The following ITGAD variants were observed in gnomAD, a reference collection of about 807,000 sequenced individuals.
The protein encoded by ITGAD is integrin subunit alpha D, also known as integrin alpha-D.
ITGAD carries 105 observed loss-of-function variants against 139.0 expected under a neutral mutation model. That is an observed-to-expected ratio of 0.76 (90% CI 0.65 to 0.89). The LOEUF (loss-of-function observed/expected upper bound fraction) is 0.89. Among genes scored for constraint, ITGAD ranks in the 40% least tolerant of loss-of-function variants. ITGAD has a pLI of 0.00. For synonymous variants in ITGAD, 569 were observed against 598.3 expected, an observed-to-expected ratio of 0.95 and a Z score of 0.71; for missense variants, 1,384 against 1,487.3, an observed-to-expected ratio of 0.93 and a Z score of 1.14.
At chr16:31,422,268 A>G (rs910298710) in intron 23 of ITGAD, among the ~76,000 whole-genome samples, 1 of 152,028 alleles carries the variant, frequency 6.6e-6, no homozygotes, top group African/African-American at 2.4e-5. Context: ...AAAACTTTAG[A>G]TGTTAAGTGG....
Position 31,411,218 on chromosome 16 carries a change from T to C in ITGAD, c.1497+2T>C. 6.2e-6 allele frequency: 10 copies of C among 1,611,642 alleles called. No individual in the cohort carries two copies. The highest frequency in any genetic ancestry group is 7.6e-6 in the Non-Finnish European group (9 of 1,179,034). On this transcript the variant is annotated splice_donor_variant, in intron 13 of 29. Coordinates refer to ENST00000389202, the MANE Select transcript of ITGAD (RefSeq NM_005353.3). LOFTEE classifies it high-confidence loss of function. Reference sequence around the variant, plus strand: ...TCCGTGTGTCCCTTGCCTAGGGGGGTGAGTGGCTGATGGGACCTAGGCTGG... The same window carrying C: ...TCCGTGTGTCCCTTGCCTAGGGGGGCGAGTGGCTGATGGGACCTAGGCTGG...
At chr16:31,413,385 C>T (rs554723548) in intron 16 of ITGAD, 139 bp downstream of exon 16, 1 of 896,214 alleles carries the variant, frequency 1.1e-6, no homozygotes, top group African/African-American at 1.7e-5. Context: ...CTGGCTCATT[C>T]TCTCCCCTCT....
rs1246303593 is a variant in ITGAD, at chr16:31,410,768, G to T, written c.1246G>T (p.Val416Leu). The T allele has an allele frequency of 6.2e-7, 1 of 1,613,270 alleles. No homozygotes were observed. The highest frequency in any genetic ancestry group is 8.5e-7 in the Non-Finnish European group (1 of 1,179,840). ...CACCGAGCTAGCCCTGTGGAAGGGG[G>T]TACAGAACCTGGTCCTGGGGGCCCC... ...YSTELALWKG[V>L]QNLVLGAPRY... The change falls in exon 12 of 30, where the codon GTA (valine) becomes TTA (leucine). Residue 416 changes from valine (V) to leucine (L), a missense_variant. Coordinates refer to ENST00000389202, the MANE Select transcript of ITGAD (RefSeq NM_005353.3).
In ITGAD at chr16:31,416,517, G is replaced by A; in HGVS notation, c.2370G>A (p.Leu790=). 6.2e-7 allele frequency: 1 copy of A among 1,612,038 alleles called. No homozygotes were observed. Among genetic ancestry groups the A allele is most frequent in the East Asian group, 2.2e-5 (1 of 44,790 alleles). ...CCTTCCCCTTCAGCCTGCAGACCCT[G>A]ACCGTGGGGAGCTCCCTGGAGCTCA... ...VTLSFSGLQT[L]TVGSSLELNV... The change falls in exon 20 of 30, where the codon CTG becomes CTA. Residue 790 remains leucine, a synonymous_variant. Coordinates refer to ENST00000389202, the MANE Select transcript of ITGAD (RefSeq NM_005353.3).
At chr16:31,415,876 A>G (rs2081873004) in intron 18 of ITGAD, among the ~76,000 whole-genome samples, 1 of 152,088 alleles carries the variant, frequency 6.6e-6, no homozygotes, top group Non-Finnish European at 1.5e-5. Context: ...GAGCATAGGA[A>G]CCATGTCGAA....
At chr16:31,413,939 A>G (rs1180174532) in intron 16 of ITGAD, among the ~76,000 whole-genome samples, 1 of 152,116 alleles carries the variant, frequency 6.6e-6, no homozygotes, top group East Asian at 1.9e-4. Flanking sequence ...CTCCCCTCGC[A>G]CTGATCACGC....
In ITGAD at chr16:31,423,902, CAGG is replaced by C. The variant is rs1376618894; in HGVS notation, c.3109_3111del (p.Glu1037del). ...CTGTGACGTCCCCTCCTTCAGCGTCCAGGAGGAGCTGGATTTCACCCTGAAGGG... is the reference window on the plus strand; with the variant it reads ...CTGTGACGTCCCCTCCTTCAGCGTCCAGGAGCTGGATTTCACCCTGAAGGG... On this transcript the variant is annotated inframe_deletion, in exon 27 of 30. Transcript: ENST00000389202. 1.2e-6 allele frequency: 2 copies of C among 1,614,216 alleles called. No individual in the cohort carries two copies. Among genetic ancestry groups the C allele is most frequent in the African/African-American group, 1.3e-5 (1 of 75,044 alleles).
rs1380282762 is a variant in ITGAD at position 31,411,084 on chromosome 16, C to T, written c.1365C>T (p.Ser455=). The change falls in exon 13 of 30, where the codon TCC becomes TCT. Residue 455 remains serine (S), a synonymous_variant. Transcript: ENST00000389202. ...CAGGCTCTGCCCTCCAGATCGGCTC[C>T]TACTTCGGGGCCTCCCTCTGCTCTG... The part of the protein sequence containing the change: ...KAEVTGTQIG[S]YFGASLCSVD... 1.6e-5 allele frequency: 26 copies of T among 1,612,246 alleles called. No individual in the cohort carries two copies. Among genetic ancestry groups the T allele is most frequent in the Non-Finnish European group, 2.0e-5 (24 of 1,179,886 alleles).
At chr16:31,393,909 T>C (rs1034682548) in intron 1 of ITGAD, among the ~76,000 whole-genome samples, 9 of 151,956 alleles carry the variant, frequency 5.9e-5, no homozygotes, top group Non-Finnish European at 1.3e-4. Flanking sequence ...GATGGGCGTA[T>C]CCCCTGAGGT....
In ITGAD at chr16:31,403,769, C is replaced by A; in HGVS notation, c.704+124C>A. ...GGAAAGGGGCTACCAAGGGGCATGT[C>A]GGGGCTGCAGGGAGAACCTCCCCCC... On this transcript the variant is annotated intron_variant, in intron 7 of 29. Coordinates refer to ENST00000389202, the MANE Select transcript of ITGAD (RefSeq NM_005353.3). The surrounding 1 kb of genome is among the most constrained non-coding windows in gnomAD (Gnocchi z 4.4). 7.8e-7 allele frequency: 1 copy of A among 1,283,804 alleles called. No individual in the cohort carries two copies. The highest frequency in any genetic ancestry group is 1.1e-6 in the Non-Finnish European group (1 of 925,620). 79.5% of individuals were successfully genotyped at this position (1,283,804 alleles called of 1,614,324 possible).
At chr16:31,420,824 C>A (rs2081993430) in intron 23 of ITGAD, among the ~76,000 whole-genome samples, 1 of 152,018 alleles carries the variant, frequency 6.6e-6, no homozygotes, top group South Asian at 2.1e-4. Flanking sequence ...TCCACCCCCA[C>A]CCGAGGGCCT....
chr16:31,424,291 T>C, intron 28 of ITGAD, 88 bp downstream of exon 28: 1 of 1,515,870 alleles, frequency 6.6e-7, no homozygotes, highest in Non-Finnish European at 9.1e-7. Context: ...TTGCAAGCCT[T>C]GCGGGAGGAG....
At position 31,416,245 on chromosome 16, in the gene ITGAD, C is replaced by T; in HGVS notation, c.2316C>T (p.Gly772=). 6.2e-7 allele frequency: 1 copy of T among 1,606,606 alleles called. No individual in the cohort carries two copies. Among genetic ancestry groups the T allele is most frequent in the Non-Finnish European group, 8.5e-7 (1 of 1,175,702 alleles). ...TCGAGAAGAACTGTGGGCAAGATGG[C>T]CTCTGTGAAGGGGACCTGGGTGTCA... The part of the protein sequence containing the change: ...LPFEKNCGQD[G]LCEGDLGVTL... The change falls in exon 19 of 30, where the codon GGC becomes GGT. Residue 772 remains glycine (G), a synonymous_variant. Coordinates refer to ENST00000389202, the MANE Select transcript of ITGAD (RefSeq NM_005353.3).
rs201038541 is a variant in ITGAD at position 31,411,438 on chromosome 16, C to T, written c.1628C>T (p.Pro543Leu). 2.7e-5 allele frequency: 43 copies of T among 1,614,022 alleles called. No individual in the cohort carries two copies. In the East Asian group the frequency reaches 5.8e-4, roughly 22 times the overall value. Residue 543 changes from proline (P) to leucine (L), a missense_variant, in exon 14 of 30, where the codon CCG becomes CTG. Pro to Leu is a moderately conservative substitution (Grantham distance 98). Transcript: ENST00000389202. ...CTGATAGACGTGGCCATTGGGGCCC[C>T]GGGAGAGCAGGAGAACCGGGGTGCT... ...DKLIDVAIGA[P>L]GEQENRGAVY...
intron 4 of ITGAD, 35 bp downstream of exon 4, chr16:31,397,701 T>TGGGGGGGGGGGGGGGGGGGGGGGGG (rs2142590082): frequency 4.6e-5 from 12 of 258,780 alleles, no homozygotes; most frequent in East Asian, 1.8e-4. Flanking sequence ...GGGGGTGGGG[T>TGGGGGGGGGGGGGGGGGGGGGGGGG]GGGGCGGGGG....
chr16:31,413,387 C>A, intron 16 of ITGAD, 141 bp downstream of exon 16: 1 of 887,308 alleles, frequency 1.1e-6, no homozygotes, highest in East Asian at 2.6e-5. Flanking sequence ...GGCTCATTCT[C>A]TCCCCTCTTC....
Position 31,426,051 on chromosome 16 carries a change from G to C in ITGAD, c.3409G>C (p.Glu1137Gln), listed in dbSNP as rs995546605. The C allele has an allele frequency of 7.4e-6, 12 of 1,613,958 alleles. No individual in the cohort carries two copies. Among genetic ancestry groups the C allele is most frequent in the African/African-American group, 1.3e-5 (1 of 74,928 alleles). ...CAAACGCCACTACAAGGAAATGCTGGAGGACAAGCCTGAAGACACTGCCAC... is the reference window on the plus strand; with the variant it reads ...CAAACGCCACTACAAGGAAATGCTGCAGGACAAGCCTGAAGACACTGCCAC... ...FFKRHYKEML[E>Q]DKPEDTATFS... is the part of the protein sequence containing the mutation. The change falls in exon 30 of 30, where the codon GAG (glutamate) becomes CAG (glutamine). Residue 1137 changes from glutamate (E) to glutamine (Q), a missense_variant. By Grantham distance (29) the Glu-to-Gln change is conservative. Coordinates refer to ENST00000389202, the MANE Select transcript of ITGAD (RefSeq NM_005353.3).
chr16:31,394,398 G>A (rs2081216382), intron 2 of ITGAD, 57 bp downstream of exon 2: 2 of 1,326,298 alleles, frequency 1.5e-6, no homozygotes, highest in Non-Finnish European at 2.2e-6. Flanking sequence ...CTGTGGATGG[G>A]TACACGTGGG....
intron 9 of ITGAD, 43 bp downstream of exon 9, chr16:31,407,959 A>C (rs1597129180): frequency 1.3e-6 from 2 of 1,522,644 alleles, no homozygotes; most frequent in East Asian, 4.6e-5. Context: ...AGGGGTCCCC[A>C]CCCAATTGTC....
Sources: gnomAD v4.1 joint callset for allele counts (sites outside exome capture counted in the v4.1 genomes callset) on GRCh38, gnomAD v4.1.1 for gene constraint, Gnocchi (gnomAD v3.1) non-coding constraint, MANE v1.5 for transcripts, NCBI Gene and HGNC (gene_info 2026-07-23, HGNC 2026-07-21) for gene names.